Variants in XRN1 observed in about 807,000 individuals in gnomAD.
The protein encoded by XRN1 is strand-exchange protein 1 homolog.
A neutral mutation model predicts 222.3 loss-of-function variants in XRN1; 67 were observed. The ratio of observed to expected loss-of-function variants is 0.30; its 90% confidence interval spans 0.25 to 0.37. XRN1 has a LOEUF of 0.37. Ranked by LOEUF, XRN1 falls within the 10% of genes least tolerant of loss-of-function variation. XRN1 has a pLI of 1.00. For missense variants in XRN1, 1,707 were observed against 2,000.2 expected, an observed-to-expected ratio of 0.85 and a Z score of 2.80; for synonymous variants, 643 against 652.4, an observed-to-expected ratio of 0.99 and a Z score of 0.22.
intron 37 of XRN1, among the ~76,000 whole-genome samples, chr3:142,327,316 G>T (rs1290073690): frequency 1.3e-5 from 2 of 151,872 alleles, no homozygotes; most frequent in Admixed American, 1.3e-4. Context: ...TTTCTTCATG[G>T]TTCAATCTTG....
In XRN1 at chr3:142,356,914, G is replaced by T; in HGVS notation, c.3670C>A (p.Gln1224Lys). Residue 1224 changes from glutamine (Q) to lysine (K), a missense_variant and splice_region_variant, in exon 31 of 41, where the codon CAA becomes AAA. Around this residue, in one of 2 missense-constraint regions of XRN1, gnomAD observed 1,234 missense variants for 1,518.2 expected, o/e 0.81. Transcript: ENST00000392981. ...AAGTTAAAGACTGAGAGTCTTACTT[G>T]AGTAGGAACAAAAAGTGATTGAGGG... ...HSPQSLFVPT[Q>K]VPTKDDDEFC... The T allele has an allele frequency of 6.2e-7, 1 of 1,613,670 alleles. No individual in the cohort carries two copies. Among genetic ancestry groups the T allele is most frequent in the South Asian group, 1.1e-5 (1 of 91,006 alleles).
intron 2 of XRN1, among the ~76,000 whole-genome samples, chr3:142,429,339 G>A (rs544818717): frequency 4.0e-5 from 6 of 151,806 alleles, no homozygotes; most frequent in Admixed American, 2.0e-4. Flanking sequence ...TAGTAGAGAC[G>A]GGGTTTCACC....
chr3:142,418,598 C>G lies in XRN1; in HGVS notation c.1252G>C (p.Asp418His), dbSNP rs2068878525. The G allele has an allele frequency of 6.3e-7, 1 of 1,591,304 alleles. No homozygotes were observed. The highest frequency in any genetic ancestry group is 8.5e-7 in the Non-Finnish European group (1 of 1,173,222). ...EMITSKDNLE[D>H]ETEDDDLFET... is the part of the protein sequence containing the mutation. ...AATAGGTCATCATCTTCAGTCTCAT[C>G]TTCTAAATTATCTGGGGAAAAAAGT... is the stretch of plus-strand genomic sequence containing the variant. The change falls in exon 12 of 41, where the codon GAT becomes CAT. Residue 418 changes from aspartate to histidine, a missense_variant. Coordinates refer to ENST00000392981, the MANE Select transcript of XRN1 (RefSeq NM_001282857.2).
In XRN1 at chr3:142,371,333, TCAAA is replaced by T. The variant is rs1370539919; in HGVS notation, c.2979-9_2979-6del. 2 of 1,600,350 alleles carry T rather than the reference TCAAA, an allele frequency of 1.2e-6. No homozygotes were observed. The highest frequency in any genetic ancestry group is 8.5e-7 in the Non-Finnish European group (1 of 1,173,556). ...TAACTAAATAGTTCTGGAGCTCTGG[TCAAA>T]CAAACAAAAATATTGTCTTAAAATA... On this transcript the variant is annotated splice_region_variant and splice_polypyrimidine_tract_variant and intron_variant, in intron 25 of 40. Coordinates refer to ENST00000392981, the MANE Select transcript of XRN1 (RefSeq NM_001282857.2).
intron 27 of XRN1, among the ~76,000 whole-genome samples, chr3:142,366,630 G>T (rs1018954338): frequency 6.6e-6 from 1 of 152,088 alleles, no homozygotes; most frequent in African/African-American, 2.4e-5. Context: ...ACAGCAGTAG[G>T]GGGAGACATT....
intron 21 of XRN1, among the ~76,000 whole-genome samples, chr3:142,384,266 T>G (rs1270362708): frequency 1.4e-5 from 2 of 140,318 alleles, no homozygotes; most frequent in African/African-American, 2.8e-5. Context: ...AGCGAGACTC[T>G]GTCTCAAAAA....
At chr3:142,406,300 T>C (rs2068334653) in intron 15 of XRN1, among the ~76,000 whole-genome samples, 2 of 152,176 alleles carry the variant, frequency 1.3e-5, no homozygotes, top group South Asian at 2.1e-4. Flanking sequence ...TGAATATCCA[T>C]ATGCAGAAGA....
chr3:142,340,576 T>C (rs564779123), intron 33 of XRN1, among the ~76,000 whole-genome samples: 1 of 152,176 alleles, frequency 6.6e-6, no homozygotes, highest in Non-Finnish European at 1.5e-5. Context: ...AAGAAGGTTA[T>C]AGAATACTAA....
intron 2 of XRN1, among the ~76,000 whole-genome samples, chr3:142,429,322 G>A (rs2069414857): frequency 6.6e-6 from 1 of 151,776 alleles, no homozygotes; most frequent in East Asian, 1.9e-4. Context: ...AATTGTTTTT[G>A]TATTTTTAGT....
At chr3:142,429,314 T>C (rs1230983035) in intron 2 of XRN1, among the ~76,000 whole-genome samples, 1 of 151,756 alleles carries the variant, frequency 6.6e-6, no homozygotes, top group Non-Finnish European at 1.5e-5. Context: ...ACCTGGCTAA[T>C]TGTTTTTGTA....
chr3:142,421,419 T>C, intron 9 of XRN1, 57 bp downstream of exon 9: 1 of 1,392,372 alleles, frequency 7.2e-7, no homozygotes, highest in Non-Finnish European at 9.9e-7. Flanking sequence ...ACATAATTGG[T>C]GACTGATCAT....
chr3:142,373,339 T>C (rs1324215717), intron 25 of XRN1, among the ~76,000 whole-genome samples: 5 of 151,758 alleles, frequency 3.3e-5, no homozygotes, highest in African/African-American at 9.7e-5. Flanking sequence ...TGAGGAGAGA[T>C]AAAACTAAAA....
At chr3:142,342,670 C>T (rs2066029850) in intron 33 of XRN1, among the ~76,000 whole-genome samples, 1 of 152,138 alleles carries the variant, frequency 6.6e-6, no homozygotes, top group African/African-American at 2.4e-5. Flanking sequence ...GCACCAAGAA[C>T]ATACATTGGG....
intron 12 of XRN1, chr3:142,418,185 G>C (rs2068859218): frequency 4.2e-6 from 1 of 238,354 alleles, no homozygotes; most frequent in African/African-American, 2.3e-5. Context: ...CTGTAATGAA[G>C]AAGCAGTGGC....
At chr3:142,373,677 G>A (rs1223069132) in intron 25 of XRN1, among the ~76,000 whole-genome samples, 1 of 152,110 alleles carries the variant, frequency 6.6e-6, no homozygotes, top group Non-Finnish European at 1.5e-5. Context: ...AAAGGAGAAT[G>A]GAACAGTGGT....
chr3:142,418,799 C>T lies in XRN1; in HGVS notation c.1240+16G>A, dbSNP rs761166419. ...GTCAAAGTAGTAACATATCAAAACA[C>T]ATACTTCATACTTACCCTTAGAAGT... On this transcript the variant is annotated intron_variant, in intron 11 of 40. Transcript: ENST00000392981. The T allele has an allele frequency of 3.7e-6, 6 of 1,612,124 alleles. No individual in the cohort carries two copies. The highest frequency in any genetic ancestry group is 5.1e-6 in the Non-Finnish European group (6 of 1,178,422).
intron 6 of XRN1, 141 bp downstream of exon 6, chr3:142,423,419 G>A (rs1310493527): frequency 1.4e-5 from 7 of 505,076 alleles, no homozygotes; most frequent in East Asian, 1.0e-4. Flanking sequence ...AATTAAAAAC[G>A]TTTGTGCATC....
At chr3:142,333,861 T>C (rs758274436) in intron 34 of XRN1, among the ~76,000 whole-genome samples, 7 of 152,222 alleles carry the variant, frequency 4.6e-5, no homozygotes, top group Non-Finnish European at 8.8e-5. Context: ...CTAACTGTAT[T>C]TCAATATAAC....
At chr3:142,342,445 T>G (rs958194345) in intron 33 of XRN1, among the ~76,000 whole-genome samples, 1 of 152,112 alleles carries the variant, frequency 6.6e-6, no homozygotes, top group Admixed American at 6.6e-5. Context: ...AAAACAATCA[T>G]AAAATTTACA....
Sources: allele counts gnomAD v4.1 joint callset (sites outside exome capture counted in the v4.1 genomes callset), GRCh38; gene constraint gnomAD v4.1.1; regional missense constraint gnomAD v4.1.1; transcripts MANE v1.5; gene names NCBI Gene and HGNC (gene_info 2026-07-23, HGNC 2026-07-21).